CCDC9: variants seen among roughly 807,000 people sequenced by gnomAD.
CCDC9 encodes coiled-coil domain containing 9, also known as coiled-coil domain-containing protein 9.
A neutral mutation model predicts 65.6 loss-of-function variants in CCDC9; 52 were observed. The observed-to-expected ratio is 0.79, with a 90% CI of 0.63 to 1.00. The LOEUF is 1.00. Among genes scored for constraint, CCDC9 ranks in the 50% least tolerant of loss-of-function variants. The pLI is 0.00. For synonymous variants in CCDC9, 332 were observed against 280.3 expected (o/e 1.18, Z -1.84); for missense variants, 834 against 757.2 (o/e 1.10, Z -1.19).
At chr19:47,258,967 C>T (rs2059028613) in intron 3 of CCDC9, among the ~76,000 whole-genome samples, 1 of 152,194 alleles carries the variant, frequency 6.6e-6, no homozygotes, top group African/African-American at 2.4e-5. Context: ...ACAGCCCTGT[C>T]CTCAGGGATG....
intron 7 of CCDC9, among the ~76,000 whole-genome samples, chr19:47,265,416 C>T (rs1334551709): frequency 6.6e-6 from 1 of 152,066 alleles, no homozygotes; most frequent in Non-Finnish European, 1.5e-5. Flanking sequence ...AATCTCCCCT[C>T]ATTGTTAATG....
chr19:47,270,287 C>T (rs1253580046), intron 8 of CCDC9, 120 bp from the exon 9 acceptor site: 1 of 929,994 alleles, frequency 1.1e-6, no homozygotes, highest in Admixed American at 2.0e-5. Context: ...CTTCTAGTGT[C>T]CCCTGTCTGG....
downstream of CCDC9, among the ~76,000 whole-genome samples, chr19:47,273,186 T>A (rs927718702): frequency 4.4e-4 from 67 of 151,646 alleles, no homozygotes; most frequent in African/African-American, 1.6e-3. Context: ...TGCTGCTGCG[T>A]GGGTCCGCTG....
In CCDC9 at chr19:47,271,203, G is replaced by A. The variant is rs1403174842; in HGVS notation, c.1191+16G>A. 6.2e-7 allele frequency: 1 copy of A among 1,605,536 alleles called. No homozygotes were observed. The highest frequency in any genetic ancestry group is 8.5e-7 in the Non-Finnish European group (1 of 1,176,098). On this transcript the variant is annotated intron_variant, in intron 11 of 11. Transcript: ENST00000221922. ...ACCCATGCAGGTGAGGCTGGGCTGT[G>A]GTTCAGGGCACGGGCCTGGGGTGGG...
chr19:47,272,647 C>G (rs1427133979), downstream of CCDC9, among the ~76,000 whole-genome samples: 8 of 152,140 alleles, frequency 5.3e-5, no homozygotes, highest in Non-Finnish European at 1.0e-4. Context: ...CGTTGGTGTA[C>G]TAGGGCAGGA....
chr19:47,257,062 G>GAAGTCT (rs2059014880), intron 1 of CCDC9, among the ~76,000 whole-genome samples: 1 of 151,356 alleles, frequency 6.6e-6, no homozygotes, highest in African/African-American at 2.4e-5. Context: ...GGCGGGGCCA[G>GAAGTCT]GGTGCTGGCG....
chr19:47,274,962 G>C (rs575595103), downstream of CCDC9: 282 of 1,398,310 alleles, frequency 2.0e-4, no homozygotes, highest in African/African-American at 3.9e-3. Flanking sequence ...CGAGAGCCCC[G>C]GAGGCGCGGG....
Position 47,271,876 on chromosome 19 carries a change from C to G in CCDC9, c.*198C>G. 3 of 1,359,990 alleles carry G rather than the reference C, an allele frequency of 2.2e-6. No individual in the cohort carries two copies. The highest frequency in any genetic ancestry group is 1.9e-6 in the Non-Finnish European group (2 of 1,059,090). 84.2% of individuals were successfully genotyped at this position (1,359,990 alleles called of 1,614,324 possible). The stretch of plus-strand genomic sequence containing the variant: ...CCATGCTCTTCTGTACTGTCATGCC[C>G]GTCTCTGGAATGTCCACTCCCAGAG... On this transcript the variant is annotated 3_prime_UTR_variant, in exon 12 of 12. Transcript: ENST00000221922.
At position 47,266,799 on chromosome 19, in the gene CCDC9, C is replaced by T. The variant is rs1455068758; in HGVS notation, c.902+7C>T. 1.3e-6 allele frequency: 2 copies of T among 1,596,900 alleles called. No homozygotes were observed. The highest frequency in any genetic ancestry group is 1.3e-5 in the African/African-American group (1 of 74,760). The stretch of plus-strand genomic sequence containing the variant: ...CCGAGAAGACCGATGGGATGTGAGT[C>T]TCCTCCCCGCTCCTCTCCCCATGTG... On this transcript the variant is annotated splice_region_variant and intron_variant, in intron 8 of 11. Coordinates refer to ENST00000221922, the MANE Select transcript of CCDC9 (RefSeq NM_015603.3).
chr19:47,273,327 C>A, downstream of CCDC9: 1 of 1,224,980 alleles, frequency 8.2e-7, no homozygotes, highest in Non-Finnish European at 1.0e-6. Context: ...GACTGCTCCC[C>A]TCCGCTGACT....
intron 8 of CCDC9, among the ~76,000 whole-genome samples, chr19:47,269,117 A>C (rs951784971): frequency 6.6e-6 from 1 of 151,902 alleles, no homozygotes; most frequent in Non-Finnish European, 1.5e-5. Context: ...AAGAAAAAAA[A>C]ATGCATGGTG....
intron 8 of CCDC9, among the ~76,000 whole-genome samples, chr19:47,270,067 C>T (rs529410945): frequency 2.0e-5 from 3 of 151,754 alleles, no homozygotes; most frequent in Admixed American, 6.6e-5. Flanking sequence ...CTCCCAGGCT[C>T]AAGTGATCCT....
At chr19:47,267,561 G>C (rs1174844748) in intron 8 of CCDC9, among the ~76,000 whole-genome samples, 2 of 152,290 alleles carry the variant, frequency 1.3e-5, no homozygotes, top group East Asian at 3.9e-4. Flanking sequence ...TCCAGGCTGA[G>C]GGCAGCAGCT....
chr19:47,265,984 CTTTTTTTTTTTTTTTTT>C (rs1158302196), intron 7 of CCDC9, among the ~76,000 whole-genome samples: 10 of 72,628 alleles, frequency 1.4e-4, no homozygotes, highest in Admixed American at 3.1e-4. Flanking sequence ...CCGCTCCTGG[CTTTTTTTTTTTTTTTTT>C]TTTTTTTTTT....
intron 5 of CCDC9, among the ~76,000 whole-genome samples, chr19:47,262,991 G>A (rs888883812): frequency 6.6e-6 from 1 of 151,854 alleles, no homozygotes; most frequent in African/African-American, 2.4e-5. Context: ...TTGGGAGGCT[G>A]AGCCAGCAGG....
At chr19:47,275,101 C>T (rs1241522061), downstream of CCDC9, 4 of 1,493,636 alleles carry the variant, frequency 2.7e-6, no homozygotes, top group South Asian at 1.3e-5. Context: ...ACGCGGTCTC[C>T]CGCGGCACCC....
chr19:47,275,457 C>G (rs560773276), downstream of CCDC9: 89 of 1,384,458 alleles, frequency 6.4e-5, no homozygotes, highest in Middle Eastern at 1.1e-3. Flanking sequence ...TGACATCGCT[C>G]AGCGTCTCTG....
chr19:47,263,771 G>C (rs180822856), intron 5 of CCDC9, among the ~76,000 whole-genome samples: 29 of 151,582 alleles, frequency 1.9e-4, no homozygotes, highest in Admixed American at 3.3e-4. Context: ...TCACCATGTT[G>C]GCCAGGCTGG....
downstream of CCDC9, chr19:47,273,955 C>T: frequency 1.0e-6 from 1 of 984,032 alleles, no homozygotes; most frequent in Admixed American, 6.1e-5. Context: ...CTTCCCTCCC[C>T]CCTCCCGCAG....
Sources: allele counts gnomAD v4.1 joint callset (sites outside exome capture counted in the v4.1 genomes callset), GRCh38; gene constraint gnomAD v4.1.1; transcripts MANE v1.5; gene names NCBI Gene and HGNC (gene_info 2026-07-23, HGNC 2026-07-21).